Variants in PLA2G4C observed in about 807,000 individuals in gnomAD.
PLA2G4C encodes cytosolic phospholipase A2 gamma.
Under a neutral mutation model 73.8 loss-of-function variants are expected in PLA2G4C, and 64 were observed. That is an observed-to-expected ratio of 0.87 (90% confidence interval 0.71 to 1.07). PLA2G4C has a LOEUF of 1.07. Among genes scored for constraint, PLA2G4C ranks in the 50% least tolerant of loss-of-function variants. The probability of loss-of-function intolerance (pLI) is 0.00; values close to 1 mark genes in which losing one functional copy is unlikely to be tolerated. For synonymous variants in PLA2G4C, 254 were observed against 252.1 expected, an observed-to-expected ratio of 1.01 and a Z score of -0.07; for missense variants, 622 against 665.4, an observed-to-expected ratio of 0.93 and a Z score of 0.72.
At chr19:48,088,499 C>G (rs1053424163) in intron 9 of PLA2G4C, among the ~76,000 whole-genome samples, 187 bp downstream of exon 9, 1 of 152,050 alleles carries the variant, frequency 6.6e-6, no homozygotes, top group Non-Finnish European at 1.5e-5. Context: ...TACAGCACCC[C>G]CAAAAGATCA....
At position 48,074,892 on chromosome 19, in the gene PLA2G4C, G is replaced by A; in HGVS notation, c.899-18C>T. ...GCCTTCATCTACGTCAAGAAATCCA[G>A]GTGGTCTCAGACACTGTCCAAGTAC... On this transcript the variant is annotated intron_variant, in intron 11 of 16. Coordinates refer to ENST00000599921, the MANE Select transcript of PLA2G4C (RefSeq NM_003706.3). 4 of 1,536,748 alleles carry A rather than the reference G, an allele frequency of 2.6e-6. No homozygotes were observed. The highest frequency in any genetic ancestry group is 3.6e-6 in the Non-Finnish European group (4 of 1,122,226).
At chr19:48,064,279 A>G (rs1284607550) in intron 13 of PLA2G4C, among the ~76,000 whole-genome samples, 1 of 152,048 alleles carries the variant, frequency 6.6e-6, no homozygotes, top group Non-Finnish European at 1.5e-5. Context: ...AAACACAAAA[A>G]TTAGCCAGGC....
At chr19:48,104,436 C>A in intron 4 of PLA2G4C, 152 bp downstream of exon 4, 1 of 694,966 alleles carries the variant, frequency 1.4e-6, no homozygotes, top group African/African-American at 1.8e-5. Context: ...AGGTAGCCAG[C>A]GTCAGAATTG....
Position 48,048,962 on chromosome 19 carries a change from C to T in PLA2G4C, c.1581-574G>A, listed in dbSNP as rs10405482. On this transcript the variant is annotated intron_variant, in intron 16 of 16. Transcript: ENST00000599921. ...AGTGAGTTCTTGCTCTATTAGTTCA[C>T]TTGAGATCTGGTTGTTAAAAGGAAA... Among the ~76,000 whole-genome samples the T allele has an allele frequency of 2.1e-4, 32 of 152,204 alleles. 1 individual carries two copies. Among genetic ancestry groups the T allele is most frequent in the African/African-American group, 7.0e-4 (29 of 41,534 alleles).
chr19:48,072,221 G>A lies in PLA2G4C; in HGVS notation c.1006+2546C>T, dbSNP rs1250736659. 1.3e-5 allele frequency: 2 copies of A among 152,112 alleles called. No individual in the cohort carries two copies. Among genetic ancestry groups the A allele is most frequent in the Non-Finnish European group, 2.9e-5 (2 of 68,028 alleles). 9.4% of individuals were successfully genotyped at this position (152,112 alleles called of 1,614,324 possible). ...AAAGAAAACTTTTTAAGGGATGGGG[G>A]TCTCACTCTGAGTGCAGTGGTGCAT... On this transcript the variant is annotated intron_variant, in intron 12 of 16. Transcript: ENST00000599921. The surrounding 1 kb of genome is among the most constrained non-coding windows in gnomAD (Gnocchi z 4.4).
At position 48,092,082 on chromosome 19, in the gene PLA2G4C, T is replaced by G. The variant is rs796123768; in HGVS notation, c.710-1665A>C. The stretch of plus-strand genomic sequence containing the variant: ...TCAAAAAAAAAATTTTTTTTTTTTT[T>G]GAGATAGCCCAGGCTGGAGCGCAAT... On this transcript the variant is annotated intron_variant, in intron 7 of 16. Coordinates refer to ENST00000599921, the MANE Select transcript of PLA2G4C (RefSeq NM_003706.3). 3.6e-3 allele frequency among the ~76,000 whole-genome samples: 521 copies of G among 145,432 alleles called. 5 individuals carry two copies. Among genetic ancestry groups the G allele is most frequent in the African/African-American group, 0.012 (489 of 39,136 alleles).
chr19:48,077,748 T>A (rs1356777257), intron 11 of PLA2G4C, 23 bp downstream of exon 11: 2 of 1,582,262 alleles, frequency 1.3e-6, no homozygotes, highest in East Asian at 4.6e-5. Context: ...CATTAGGGAT[T>A]CATGGCAAAG....
At chr19:48,103,857 G>T (rs537038734) in intron 4 of PLA2G4C, among the ~76,000 whole-genome samples, 18 of 151,978 alleles carry the variant, frequency 1.2e-4, no homozygotes, top group Middle Eastern at 6.8e-3. Context: ...GTTTTCCCCT[G>T]CTTCCTGGTG....
chr19:48,060,560 C>T (rs1019631022), intron 14 of PLA2G4C, among the ~76,000 whole-genome samples: 7 of 152,152 alleles, frequency 4.6e-5, no homozygotes, highest in African/African-American at 1.7e-4. Flanking sequence ...AGATCTCCTG[C>T]GAGCCAGATG....
At position 48,106,555 on chromosome 19, in the gene PLA2G4C, A is replaced by G; in HGVS notation, c.-26T>C. ...GGTGCACTGCGGTCAGAAAATTCTC[A>G]GTCCTCCTGCCAAAGAAATGGCTCT... On this transcript the variant is annotated 5_prime_UTR_variant, in exon 2 of 17. Coordinates refer to ENST00000599921, the MANE Select transcript of PLA2G4C (RefSeq NM_003706.3). 1.2e-6 allele frequency: 2 copies of G among 1,612,868 alleles called. No homozygotes were observed. Among genetic ancestry groups the G allele is most frequent in the Non-Finnish European group, 1.7e-6 (2 of 1,178,844 alleles).
intron 4 of PLA2G4C, 73 bp downstream of exon 4, chr19:48,104,515 A>G (rs1272613005): frequency 2.1e-6 from 3 of 1,459,160 alleles, no homozygotes; most frequent in South Asian, 1.2e-5. Context: ...AACCACACAC[A>G]TTTGGTGTCA....
intron 3 of PLA2G4C, 142 bp downstream of exon 3, chr19:48,105,191 A>G: frequency 1.7e-6 from 1 of 595,130 alleles, no homozygotes; most frequent in Non-Finnish European, 3.0e-6. Context: ...CCTGTCCCAT[A>G]GAAGTTCATA....
At chr19:48,068,748 G>GA (rs1161259724) in intron 12 of PLA2G4C, among the ~76,000 whole-genome samples, 1 of 144,284 alleles carries the variant, frequency 6.9e-6, no homozygotes, top group East Asian at 2.0e-4. Context: ...AAAAAAAAAA[G>GA]AAAAAAAGGA....
At chr19:48,086,554 A>T (rs567340514) in intron 9 of PLA2G4C, among the ~76,000 whole-genome samples, 1 of 152,116 alleles carries the variant, frequency 6.6e-6, no homozygotes, top group South Asian at 2.1e-4. Context: ...CTTTAATACA[A>T]AGGACGGAAA....
chr19:48,067,643 A>G (rs1968485776), intron 13 of PLA2G4C, 148 bp downstream of exon 13: 1 of 685,440 alleles, frequency 1.5e-6, no homozygotes, highest in South Asian at 1.7e-5. Context: ...AGTTCCCCTA[A>G]TCAGATCCCT....
At chr19:48,062,443 C>T (rs1439073611) in intron 13 of PLA2G4C, among the ~76,000 whole-genome samples, 1 of 152,056 alleles carries the variant, frequency 6.6e-6, no homozygotes. Flanking sequence ...AACCCTGTCT[C>T]TACTAAAAAT....
chr19:48,097,316 G>C (rs1262359232), intron 6 of PLA2G4C, among the ~76,000 whole-genome samples: 1 of 136,870 alleles, frequency 7.3e-6, no homozygotes, highest in Admixed American at 7.4e-5. Flanking sequence ...GCTGTGGCGC[G>C]ATCTCAGCTC....
chr19:48,086,510 A>C (rs1413942360), intron 9 of PLA2G4C, among the ~76,000 whole-genome samples: 1 of 151,910 alleles, frequency 6.6e-6, no homozygotes, highest in Non-Finnish European at 1.5e-5. Flanking sequence ...GACCCAGCCC[A>C]CACCTGGCTT....
rs1321270674 is a variant in PLA2G4C, at chr19:48,104,635, G to A, written c.210C>T (p.Gly70=). The A allele has an allele frequency of 1.9e-6, 3 of 1,613,924 alleles. No homozygotes were observed. The highest frequency in any genetic ancestry group is 1.3e-5 in the African/African-American group (1 of 74,906). The change falls in exon 4 of 17, where the codon GGC becomes GGT. Residue 70 remains glycine, a synonymous_variant. Coordinates refer to ENST00000599921, the MANE Select transcript of PLA2G4C (RefSeq NM_003706.3). ...LGVLSEMKEQ[G]LLDAVTYLAG... Reference sequence around the variant, plus strand: ...CGAGGTACGTGACGGCATCCAACAGGCCCTGTTCTTTCATCTCACTCAGGA... The same window carrying A: ...CGAGGTACGTGACGGCATCCAACAGACCCTGTTCTTTCATCTCACTCAGGA...
Sources: gnomAD v4.1 joint callset for allele counts (sites outside exome capture counted in the v4.1 genomes callset) on GRCh38, gnomAD v4.1.1 for gene constraint, Gnocchi (gnomAD v3.1) non-coding constraint, MANE v1.5 for transcripts, NCBI Gene and HGNC (gene_info 2026-07-23, HGNC 2026-07-21) for gene names.